Variants in ARHGEF3 observed in about 807,000 individuals in gnomAD.
The protein encoded by ARHGEF3 is Rho guanine nucleotide exchange factor 3, also known as 59.8 kDA protein.
A neutral mutation model predicts 63.2 loss-of-function variants in ARHGEF3; 28 were observed. That is an observed-to-expected ratio of 0.44 (90% CI 0.33 to 0.61). ARHGEF3 has a LOEUF of 0.61. ARHGEF3 is among the 20% of genes least tolerant of loss of function. ARHGEF3 has a pLI of 0.03. For synonymous variants in ARHGEF3, 266 were observed against 254.2 expected (o/e 1.05, Z -0.44); for missense variants, 533 against 659.3 (o/e 0.81, Z 2.10).
intron 2 of ARHGEF3, among the ~76,000 whole-genome samples, chr3:56,976,003 T>C (rs1225106952): frequency 6.6e-6 from 1 of 152,210 alleles, no homozygotes; most frequent in African/African-American, 2.4e-5. Flanking sequence ...CTTAACATTT[T>C]AAAGAGATTT....
intron 1 of ARHGEF3, among the ~76,000 whole-genome samples, chr3:57,037,076 T>C (rs775272834): frequency 1.6e-4 from 24 of 152,300 alleles, no homozygotes; most frequent in Admixed American, 7.2e-4. Context: ...ATTTTTAGCA[T>C]CTGGATCCCT....
intron 1 of ARHGEF3, among the ~76,000 whole-genome samples, chr3:57,055,951 G>A (rs1271891915): frequency 6.6e-6 from 1 of 152,202 alleles, no homozygotes; most frequent in Non-Finnish European, 1.5e-5. Flanking sequence ...TGTGAATAGG[G>A]AAAAGGTAAG....
intron 4 of ARHGEF3, among the ~76,000 whole-genome samples, chr3:56,826,110 A>G (rs1286478499): frequency 6.6e-6 from 1 of 152,234 alleles, no homozygotes; most frequent in Non-Finnish European, 1.5e-5. Context: ...TCTTTCTACC[A>G]GAAGGGGAGA....
chr3:57,036,673 T>C (rs942371214), intron 1 of ARHGEF3, among the ~76,000 whole-genome samples: 6 of 152,154 alleles, frequency 3.9e-5, no homozygotes, highest in East Asian at 1.9e-4. Context: ...GTTTCAACTG[T>C]AGAACTGGCT....
intron 1 of ARHGEF3, among the ~76,000 whole-genome samples, chr3:57,061,220 T>C (rs1431740783): frequency 6.6e-6 from 1 of 152,224 alleles, no homozygotes; most frequent in Non-Finnish European, 1.5e-5. Flanking sequence ...AGTGTCCTTT[T>C]GTGACTGACT....
intron 1 of ARHGEF3, among the ~76,000 whole-genome samples, chr3:56,785,489 C>T (rs1445568379): frequency 6.6e-6 from 1 of 152,142 alleles, no homozygotes; most frequent in Admixed American, 6.5e-5. Flanking sequence ...TGGAATTAGG[C>T]AATGAGAGGA....
At chr3:57,037,581 C>A (rs757396647) in intron 1 of ARHGEF3, among the ~76,000 whole-genome samples, 2 of 152,180 alleles carry the variant, frequency 1.3e-5, no homozygotes, top group African/African-American at 4.8e-5. Context: ...ACCAATAAAC[C>A]ATCACCCTTT....
At chr3:56,750,492 C>CTGT (rs1435659994) in intron 6 of ARHGEF3, among the ~76,000 whole-genome samples, 1 of 152,126 alleles carries the variant, frequency 6.6e-6, no homozygotes, top group African/African-American at 2.4e-5. Context: ...GGTATATATG[C>CTGT]TAAACATTAG....
chr3:57,066,204 G>A (rs891656934), intron 1 of ARHGEF3, among the ~76,000 whole-genome samples: 3 of 151,936 alleles, frequency 2.0e-5, no homozygotes, highest in Non-Finnish European at 2.9e-5. Flanking sequence ...AATTCTTTCC[G>A]AAATGTTCTC....
chr3:57,024,023 GTTTC>G (rs1703367838), intron 2 of ARHGEF3, among the ~76,000 whole-genome samples: 1 of 152,106 alleles, frequency 6.6e-6, no homozygotes, highest in Admixed American at 6.6e-5. Context: ...CATGGGGTTG[GTTTC>G]TTTGTGTCAC....
At chr3:57,069,937 G>A (rs370294142) in intron 1 of ARHGEF3, among the ~76,000 whole-genome samples, 5 of 152,174 alleles carry the variant, frequency 3.3e-5, no homozygotes, top group Admixed American at 2.0e-4. Flanking sequence ...GAGCCACTGC[G>A]CCTGGCCTAA....
At chr3:56,954,183 C>T (rs1425349450) in intron 3 of ARHGEF3, among the ~76,000 whole-genome samples, 1 of 149,840 alleles carries the variant, frequency 6.7e-6, no homozygotes. Flanking sequence ...AGTTCTGGCA[C>T]CTAAAACAAT....
chr3:56,797,978 T>G (rs1245983592), intron 1 of ARHGEF3, among the ~76,000 whole-genome samples: 2 of 152,210 alleles, frequency 1.3e-5, no homozygotes, highest in Non-Finnish European at 2.9e-5. Flanking sequence ...CTGATTTTCT[T>G]TGCAGCTTTC....
At chr3:57,004,453 C>T (rs80064496) in intron 2 of ARHGEF3, among the ~76,000 whole-genome samples, 2,492 of 152,284 alleles carry the variant, frequency 0.016, 75 homozygotes, top group African/African-American at 0.056. Flanking sequence ...AGTTCCTCAC[C>T]GCACCTTCAG....
intron 1 of ARHGEF3, among the ~76,000 whole-genome samples, chr3:57,046,967 T>C (rs552602778): frequency 6.6e-6 from 1 of 152,294 alleles, no homozygotes; most frequent in South Asian, 2.1e-4. Flanking sequence ...AATTACACAA[T>C]GACAAGATTT....
At chr3:56,805,501 C>T (rs1159314878), upstream of ARHGEF3, among the ~76,000 whole-genome samples, 1 of 152,186 alleles carries the variant, frequency 6.6e-6, no homozygotes, top group East Asian at 1.9e-4. Context: ...TCCCAAAGCG[C>T]TAGGATTACA....
intron 1 of ARHGEF3, among the ~76,000 whole-genome samples, chr3:56,800,285 T>C (rs1392669926): frequency 1.3e-5 from 2 of 152,230 alleles, no homozygotes; most frequent in East Asian, 1.9e-4. Context: ...TGGGCACCAA[T>C]TGCGCTGCTC....
At chr3:56,962,335 A>G (rs1326974998) in intron 2 of ARHGEF3, among the ~76,000 whole-genome samples, 2 of 152,216 alleles carry the variant, frequency 1.3e-5, no homozygotes, top group African/African-American at 4.8e-5. Flanking sequence ...ACAATCAGCA[A>G]AAGTCCAAGT....
intron 1 of ARHGEF3, among the ~76,000 whole-genome samples, chr3:57,062,621 G>A (rs1021014957): frequency 6.6e-6 from 1 of 152,176 alleles, no homozygotes; most frequent in African/African-American, 2.4e-5. Context: ...TAGCCACTCA[G>A]CAAAACACTA....
Sources: gnomAD v4.1 joint callset for allele counts (sites outside exome capture counted in the v4.1 genomes callset) on GRCh38, gnomAD v4.1.1 for gene constraint, MANE v1.5 for transcripts, NCBI Gene and HGNC (gene_info 2026-07-23, HGNC 2026-07-21) for gene names.